The following SPRR2B variants were observed in gnomAD, a reference collection of about 807,000 sequenced individuals.
SPRR2B encodes the protein small proline-rich protein 2B.
In SPRR2B, 1 loss-of-function variant was observed where a neutral mutation model predicts 1.0. That is an observed-to-expected ratio of 1.01 (90% confidence interval 0.36 to 4.77). The LOEUF is 4.77. SPRR2B is among the 30% of genes most tolerant of loss of function. SPRR2B has a pLI of 0.16. For missense variants in SPRR2B, 53 were observed against 88.7 expected (o/e 0.60, Z 1.62); for synonymous variants, 27 against 33.4 (o/e 0.81, Z 0.66).
Position 153,070,648 on chromosome 1 carries a change from C to T in SPRR2B, c.192G>A (p.Gln64=). 6.2e-7 allele frequency: 1 copy of T among 1,612,212 alleles called. No homozygotes were observed. Among genetic ancestry groups the T allele is most frequent in the Non-Finnish European group, 8.5e-7 (1 of 1,179,784 alleles). The change falls in exon 2 of 2, where the codon CAG becomes CAA. Residue 64 remains glutamine, a synonymous_variant. Coordinates refer to ENST00000368755, the MANE Select transcript of SPRR2B (RefSeq NM_001388198.1). ...ACTTGCTCTTCGGTGGATACTTTGG[C>T]TGGCAGGGTGGGGAAGGTGTCACAG... ...YPPVTPSPPC[Q]PKYPPKSK
chr1:153,074,183 T>C (rs1165734936), upstream of SPRR2B, among the ~76,000 whole-genome samples: 1 of 152,224 alleles, frequency 6.6e-6, no homozygotes, highest in Middle Eastern at 3.2e-3. Context: ...AATTTATACA[T>C]CATGCAACCT....
chr1:153,072,750 T>A (rs544612108), upstream of SPRR2B, among the ~76,000 whole-genome samples: 1 of 152,308 alleles, frequency 6.6e-6, no homozygotes, highest in African/African-American at 2.4e-5. Flanking sequence ...TCAATTCACA[T>A]CCCAATGTAT....
Position 153,070,805 on chromosome 1 carries a change from C to A in SPRR2B, c.35G>T (p.Cys12Phe), listed in dbSNP as rs1246943431. 6 of 1,595,238 alleles carry A rather than the reference C, an allele frequency of 3.8e-6. No individual in the cohort carries two copies. Among genetic ancestry groups the A allele is most frequent in the Non-Finnish European group, 5.1e-6 (6 of 1,170,480 alleles). Residue 12 changes from cysteine (C) to phenylalanine (F), a missense_variant, in exon 2 of 2, where the codon TGC (cysteine) becomes TTC (phenylalanine). Transcript: ENST00000368755. Reference protein sequence around the residue: ...SYQQQQCKQPCQPPPVCPTPK... With the variant: ...SYQQQQCKQPFQPPPVCPTPK... ...CGTGGGGCACACAGGAGGTGGCTGG[C>A]AGGGCTGCTTGCACTGCTGCTGTTG... is the stretch of plus-strand genomic sequence containing the variant.
chr1:153,078,646 G>A, the SPRR2B span, among the ~76,000 whole-genome samples: 1 of 152,100 alleles, frequency 6.6e-6, no homozygotes, highest in Admixed American at 6.6e-5. Flanking sequence ...AGTTTGCTGA[G>A]AATGATGGTT....
the SPRR2B span, among the ~76,000 whole-genome samples, chr1:153,087,574 C>A: frequency 6.6e-6 from 1 of 152,136 alleles, no homozygotes; most frequent in Non-Finnish European, 1.5e-5. Flanking sequence ...TTACCACTGA[C>A]TCCACAGAAA....
upstream of SPRR2B, among the ~76,000 whole-genome samples, chr1:153,073,847 A>G (rs1654722072): frequency 6.6e-6 from 1 of 152,184 alleles, no homozygotes; most frequent in Non-Finnish European, 1.5e-5. Context: ...TAATTTTCTA[A>G]GGGATCATTA....
chr1:153,071,847 C>T (rs533067209), upstream of SPRR2B, among the ~76,000 whole-genome samples: 1 of 152,264 alleles, frequency 6.6e-6, no homozygotes, highest in Non-Finnish European at 1.5e-5. Flanking sequence ...TGGTCAAGGG[C>T]TCTCTTTCTT....
the SPRR2B span, among the ~76,000 whole-genome samples, chr1:153,080,121 T>C: frequency 1.8e-5 from 1 of 55,792 alleles, no homozygotes; most frequent in African/African-American, 6.4e-5. Flanking sequence ...CAAGAAAACC[T>C]AGAAAATATA....
chr1:153,078,953 C>G, the SPRR2B span, among the ~76,000 whole-genome samples: 53,503 of 151,802 alleles, frequency 0.35, 10,304 homozygotes, highest in Non-Finnish European at 0.45. Context: ...ATTCCACAAT[C>G]GTTGAACTAG....
At chr1:153,077,244 C>T in the SPRR2B span, among the ~76,000 whole-genome samples, 1 of 152,188 alleles carries the variant, frequency 6.6e-6, no homozygotes, top group Non-Finnish European at 1.5e-5. Context: ...AATTCTATAG[C>T]TGGCAAAATT....
At chr1:153,072,195 C>T (rs947108777), upstream of SPRR2B, among the ~76,000 whole-genome samples, 28 of 152,316 alleles carry the variant, frequency 1.8e-4, no homozygotes, top group East Asian at 2.3e-3. Flanking sequence ...CTGTCTTTCT[C>T]TCACAGAACC....
the SPRR2B span, among the ~76,000 whole-genome samples, chr1:153,087,094 C>T: frequency 6.6e-6 from 1 of 152,134 alleles, no homozygotes; most frequent in African/African-American, 2.4e-5. Context: ...AGCACTATAA[C>T]ACAAAGAAAC....
rs1402271349 is a variant in SPRR2B at position 153,070,753 on chromosome 1, G to A, written c.87C>T (p.Pro29=). 1.9e-6 allele frequency: 3 copies of A among 1,606,080 alleles called. No individual in the cohort carries two copies. The highest frequency in any genetic ancestry group is 1.3e-5 in the African/African-American group (1 of 74,126). Residue 29 remains proline (P), a synonymous_variant, in exon 2 of 2, where the codon CCC becomes CCT. Transcript: ENST00000368755. The part of the protein sequence containing the change: ...PTPKCPEPCP[P]PKCPEPCPPP... ...GTGGGCAGGGCTCAGGGCACTTCGG[G>A]GGTGGACATGGCTCTGGGCACTTTG... is the stretch of plus-strand genomic sequence containing the variant.
the SPRR2B span, among the ~76,000 whole-genome samples, chr1:153,087,510 T>C: frequency 6.6e-6 from 1 of 151,710 alleles, no homozygotes; most frequent in Non-Finnish European, 1.5e-5. Flanking sequence ...CTAGTTAGAC[T>C]AATAAAGAAG....
At chr1:153,083,523 T>A in the SPRR2B span, among the ~76,000 whole-genome samples, 2 of 151,902 alleles carry the variant, frequency 1.3e-5, no homozygotes, top group South Asian at 2.1e-4. Flanking sequence ...GAACCGAGAT[T>A]ACAGGTGCAC....
At chr1:153,078,762 A>G in the SPRR2B span, among the ~76,000 whole-genome samples, 6 of 152,130 alleles carry the variant, frequency 3.9e-5, no homozygotes, top group Admixed American at 3.9e-4. Flanking sequence ...CCAGTCTATC[A>G]TTGTTGGACA....
At chr1:153,080,896 T>C in the SPRR2B span, among the ~76,000 whole-genome samples, 2 of 152,230 alleles carry the variant, frequency 1.3e-5, no homozygotes, top group African/African-American at 4.8e-5. Flanking sequence ...CAACATGTCC[T>C]TCAATAATTG....
upstream of SPRR2B, among the ~76,000 whole-genome samples, chr1:153,072,203 A>C (rs1410522966): frequency 6.6e-6 from 1 of 152,120 alleles, no homozygotes; most frequent in Non-Finnish European, 1.5e-5. Context: ...CTCTCACAGA[A>C]CCCCAGATTT....
chr1:153,083,767 C>T, the SPRR2B span, among the ~76,000 whole-genome samples: 2 of 152,202 alleles, frequency 1.3e-5, no homozygotes, highest in South Asian at 2.1e-4. Flanking sequence ...CCACCAGGGA[C>T]ACTCCAGTTG....
Sources: allele counts gnomAD v4.1 joint callset (sites outside exome capture counted in the v4.1 genomes callset), GRCh38; gene constraint gnomAD v4.1.1; transcripts MANE v1.5; gene names NCBI Gene and HGNC (gene_info 2026-07-23, HGNC 2026-07-21).